Variants in EIF5B observed in about 807,000 individuals in gnomAD.
EIF5B encodes eIF-5B.
In EIF5B, 47 loss-of-function variants were observed where a neutral mutation model predicts 147.5. The ratio of observed to expected loss-of-function variants is 0.32; its 90% CI spans 0.25 to 0.41. The LOEUF (loss-of-function observed/expected upper bound fraction) is 0.41. Ranked by LOEUF, EIF5B falls within the 10% of genes least tolerant of loss-of-function variation. The probability of loss-of-function intolerance (pLI) is 1.00; values close to 1 mark genes in which losing one functional copy is unlikely to be tolerated. For synonymous variants in EIF5B, 455 were observed against 456.2 expected, an observed-to-expected ratio of 1.00 and a Z score of 0.03; for missense variants, 1,064 against 1,413.2, an observed-to-expected ratio of 0.75 and a Z score of 3.96.
rs1231161428 is a variant in EIF5B, at chr2:99,337,604, G to T, written c.35+15G>T. 1.2e-6 allele frequency: 2 copies of T among 1,607,982 alleles called. No individual in the cohort carries two copies. Among genetic ancestry groups the T allele is most frequent in the East Asian group, 2.2e-5 (1 of 44,676 alleles). On this transcript the variant is annotated intron_variant, in intron 1 of 23. Coordinates refer to ENST00000289371, the MANE Select transcript of EIF5B (RefSeq NM_015904.4). ...AGCGAAGACAGGTAGATAGGGGTTG[G>T]GTCCGTACGGCGGCGGCCGCCGTGG...
chr2:99,379,308 C>T lies in EIF5B; in HGVS notation c.1951-10C>T. The T allele has an allele frequency of 6.3e-7, 1 of 1,599,632 alleles. No individual in the cohort carries two copies. Among genetic ancestry groups the T allele is most frequent in the South Asian group, 1.1e-5 (1 of 88,394 alleles). Reference sequence around the variant, plus strand: ...TCAAATACCAATCTGTATTTGCTGTCTTCTCATAGCTCCGTCACACACATG... The same window carrying T: ...TCAAATACCAATCTGTATTTGCTGTTTTCTCATAGCTCCGTCACACACATG... On this transcript the variant is annotated splice_polypyrimidine_tract_variant and intron_variant, in intron 11 of 23. Transcript: ENST00000289371.
chr2:99,342,036 G>C (rs929888845), intron 1 of EIF5B, among the ~76,000 whole-genome samples: 1 of 152,146 alleles, frequency 6.6e-6, no homozygotes, highest in Non-Finnish European at 1.5e-5. Flanking sequence ...AAGAGACCTT[G>C]GGAATGAATT....
At chr2:99,376,680 T>C in intron 10 of EIF5B, 44 bp downstream of exon 10, 1 of 1,550,506 alleles carries the variant, frequency 6.4e-7, no homozygotes, top group Non-Finnish European at 8.7e-7. Flanking sequence ...CCCACTCCTC[T>C]GTGATGATTA....
At chr2:99,380,207 T>A (rs12053566) in intron 12 of EIF5B, among the ~76,000 whole-genome samples, 22,286 of 150,634 alleles carry the variant, frequency 0.15, 1,788 homozygotes, top group East Asian at 0.26. Context: ...GCCAATATGA[T>A]TTTTTTTTTC....
chr2:99,380,405 A>G (rs981932236), intron 12 of EIF5B, among the ~76,000 whole-genome samples: 3 of 152,146 alleles, frequency 2.0e-5, no homozygotes, highest in Admixed American at 2.0e-4. Context: ...TTTACTGTGC[A>G]TTAGTCCATT....
intron 1 of EIF5B, among the ~76,000 whole-genome samples, chr2:99,339,475 G>A (rs916402322): frequency 6.6e-6 from 1 of 151,208 alleles, no homozygotes; most frequent in Non-Finnish European, 1.5e-5. Context: ...TTTTCAATTC[G>A]TTCGTTTGGT....
At chr2:99,348,205 T>G (rs1415631601) in intron 1 of EIF5B, among the ~76,000 whole-genome samples, 1 of 152,204 alleles carries the variant, frequency 6.6e-6, no homozygotes, top group Non-Finnish European at 1.5e-5. Context: ...TTGCATTGCA[T>G]TGTATAATAT....
chr2:99,383,037 A>G (rs1221621218), intron 14 of EIF5B, 116 bp downstream of exon 14: 18 of 1,132,572 alleles, frequency 1.6e-5, no homozygotes, highest in Admixed American at 9.3e-5. Context: ...GCTTCACTAT[A>G]TTGTGCTTCA....
intron 1 of EIF5B, among the ~76,000 whole-genome samples, chr2:99,349,172 G>T (rs2094279067): frequency 6.6e-6 from 1 of 152,232 alleles, no homozygotes; most frequent in Admixed American, 6.5e-5. Flanking sequence ...CCACATTAAA[G>T]GAGATAGACC....
At position 99,344,961 on chromosome 2, in the gene EIF5B, A is replaced by T. The variant is rs573256583; in HGVS notation, c.35+7372A>T. Among the ~76,000 whole-genome samples the T allele has an allele frequency of 2.6e-5, 4 of 152,340 alleles. No individual in the cohort carries two copies. In the South Asian group the frequency reaches 8.3e-4, roughly 32 times the overall value. On this transcript the variant is annotated intron_variant, in intron 1 of 23. Coordinates refer to ENST00000289371, the MANE Select transcript of EIF5B (RefSeq NM_015904.4). ...ATTTCAAGAAATTATATAATGTATTATAAGAAACATTTATATCTTAAATAT... is the reference window on the plus strand; with the variant it reads ...ATTTCAAGAAATTATATAATGTATTTTAAGAAACATTTATATCTTAAATAT...
chr2:99,391,417 A>G (rs1429993231), intron 17 of EIF5B, among the ~76,000 whole-genome samples: 1 of 152,204 alleles, frequency 6.6e-6, no homozygotes, highest in Non-Finnish European at 1.5e-5. Flanking sequence ...TAATTGTGAA[A>G]TAAAACATTG....
chr2:99,397,006 GTATT>G, intron 22 of EIF5B, 108 bp downstream of exon 22: 4 of 1,237,820 alleles, frequency 3.2e-6, no homozygotes, highest in Non-Finnish European at 3.2e-6. Flanking sequence ...ACTGTGCTGT[GTATT>G]TAGTGTGGTC....
At chr2:99,368,941 A>G (rs1674382566) in intron 7 of EIF5B, among the ~76,000 whole-genome samples, 1 of 152,240 alleles carries the variant, frequency 6.6e-6, no homozygotes, top group Non-Finnish European at 1.5e-5. Flanking sequence ...CCTGTAAAAC[A>G]TATGACTATA....
intron 1 of EIF5B, among the ~76,000 whole-genome samples, chr2:99,344,986 T>C (rs1384519145): frequency 1.3e-5 from 2 of 152,214 alleles, no homozygotes; most frequent in East Asian, 1.9e-4. Flanking sequence ...ATCTTAAATA[T>C]AAATTTTTAG....
intron 14 of EIF5B, 31 bp downstream of exon 14, chr2:99,382,952 G>A: frequency 1.3e-6 from 2 of 1,535,838 alleles, no homozygotes; most frequent in Non-Finnish European, 8.7e-7. Flanking sequence ...ATTAACCTAG[G>A]AAAACATGTT....
chr2:99,383,663 T>G (rs947193717), intron 14 of EIF5B, among the ~76,000 whole-genome samples: 1 of 152,202 alleles, frequency 6.6e-6, no homozygotes, highest in East Asian at 1.9e-4. Flanking sequence ...AAGTTACAAG[T>G]TGAAGCAGCA....
chr2:99,388,621 T>C lies in EIF5B; in HGVS notation c.2272-1097T>C, dbSNP rs916435257. Among the ~76,000 whole-genome samples, 4 of 152,322 alleles carry C rather than the reference T, an allele frequency of 2.6e-5. No individual in the cohort carries two copies. The South Asian group carries it at 8.3e-4, about 32-fold the overall frequency. On this transcript the variant is annotated intron_variant, in intron 14 of 23. Coordinates refer to ENST00000289371, the MANE Select transcript of EIF5B (RefSeq NM_015904.4). ...CATTCTGTTAACAACATAATTACTG[T>C]TGAATTTTTAGAATGTTAAACCAAC...
intron 17 of EIF5B, among the ~76,000 whole-genome samples, chr2:99,392,045 A>G (rs975912328): frequency 1.4e-5 from 2 of 147,380 alleles, no homozygotes; most frequent in African/African-American, 5.0e-5. Context: ...TCCTTTAGTG[A>G]AAAAAAAAAA....
intron 8 of EIF5B, among the ~76,000 whole-genome samples, chr2:99,370,730 T>G (rs1329008748): frequency 1.3e-5 from 2 of 152,222 alleles, no homozygotes; most frequent in Non-Finnish European, 2.9e-5. Flanking sequence ...CATCTTACTT[T>G]CATTTAAGAA....
Sources: gnomAD v4.1 joint callset for allele counts (sites outside exome capture counted in the v4.1 genomes callset) on GRCh38, gnomAD v4.1.1 for gene constraint, MANE v1.5 for transcripts, NCBI Gene and HGNC (gene_info 2026-07-23, HGNC 2026-07-21) for gene names.